PCED1B: variants seen among roughly 807,000 people sequenced by gnomAD.
The protein encoded by PCED1B is PC-esterase domain containing 1B.
For missense variants in PCED1B, 573 were observed against 573.9 expected (o/e 1.00, Z 0.02); for synonymous variants, 251 against 246.1 (o/e 1.02, Z -0.19).
intron 2 of PCED1B, among the ~76,000 whole-genome samples, chr12:47,105,641 C>G (rs1206164500): frequency 1.3e-5 from 2 of 152,256 alleles, no homozygotes; most frequent in Non-Finnish European, 2.9e-5. Flanking sequence ...TTGCTCAAAA[C>G]TGAATCTTAA....
chr12:47,211,182 C>T (rs36027933), intron 2 of PCED1B, among the ~76,000 whole-genome samples: 76 of 152,302 alleles, frequency 5.0e-4, no homozygotes, highest in Middle Eastern at 3.4e-3. Context: ...GTTTTTCCCT[C>T]CCTGCACTGT....
chr12:47,235,114 C>A lies in PCED1B; in HGVS notation c.51C>A (p.Phe17Leu). The change falls in exon 4 of 4, where the codon TTC becomes TTA. Residue 17 changes from phenylalanine (F) to leucine (L), a missense_variant. Transcript: ENST00000546455. Reference sequence around the variant, plus strand: ...TGCGGCAGCTGCTTCACAATAAGTTCGTGGTCATCCTGGGGGACTCTGTGC... The same window carrying A: ...TGCGGCAGCTGCTTCACAATAAGTTAGTGGTCATCCTGGGGGACTCTGTGC... ...SEVRQLLHNK[F>L]VVILGDSVHR... 6.5e-7 allele frequency: 1 copy of A among 1,532,594 alleles called. No individual in the cohort carries two copies. The highest frequency in any genetic ancestry group is 1.3e-5 in the South Asian group (1 of 76,900). The allele number at this position is 1,532,594 out of a possible 1,614,324, so 94.9% of individuals were successfully genotyped here.
At chr12:47,201,040 G>C (rs1028519738) in intron 2 of PCED1B, among the ~76,000 whole-genome samples, 10 of 152,164 alleles carry the variant, frequency 6.6e-5, no homozygotes, top group Non-Finnish European at 1.3e-4. Context: ...CGAGTTAAGA[G>C]TCCCTTTATT....
At chr12:47,215,247 T>TC (rs1341526408) in intron 2 of PCED1B, among the ~76,000 whole-genome samples, 1 of 148,514 alleles carries the variant, frequency 6.7e-6, no homozygotes, top group East Asian at 2.0e-4. Context: ...GAAGACCATC[T>TC]CCCCCACCCT....
intron 3 of PCED1B, among the ~76,000 whole-genome samples, chr12:47,230,805 C>T (rs944347896): frequency 1.3e-5 from 2 of 152,152 alleles, no homozygotes; most frequent in Admixed American, 6.6e-5. Flanking sequence ...CATGTTGGCT[C>T]TCAAAAAGTT....
intron 1 of PCED1B, among the ~76,000 whole-genome samples, chr12:47,102,357 A>G (rs1327897753): frequency 6.6e-6 from 1 of 152,236 alleles, no homozygotes; most frequent in Non-Finnish European, 1.5e-5. Context: ...GCAGTTTCAC[A>G]TCATGTCTTT....
intron 2 of PCED1B, among the ~76,000 whole-genome samples, chr12:47,204,265 A>AT (rs1245825463): frequency 3.4e-5 from 5 of 145,880 alleles, no homozygotes; most frequent in Non-Finnish European, 6.2e-5. Flanking sequence ...TGAATTTAAA[A>AT]TTTTTTTTTT....
At chr12:47,151,134 T>C (rs371764892) in intron 2 of PCED1B, among the ~76,000 whole-genome samples, 11 of 150,260 alleles carry the variant, frequency 7.3e-5, no homozygotes, top group South Asian at 6.3e-4. Flanking sequence ...ATATATAATA[T>C]ATACACACAC....
At chr12:47,126,156 A>G (rs79730176) in intron 2 of PCED1B, among the ~76,000 whole-genome samples, 5,890 of 152,116 alleles carry the variant, frequency 0.039, 151 homozygotes, top group South Asian at 0.068. Flanking sequence ...CTGTAAAGAA[A>G]AAAAATTTTT....
intron 3 of PCED1B, among the ~76,000 whole-genome samples, chr12:47,222,208 T>A (rs1277822325): frequency 2.1e-5 from 3 of 146,130 alleles, no homozygotes; most frequent in African/African-American, 7.6e-5. Flanking sequence ...TCACCTGAGG[T>A]CAGGAGTTCG....
chr12:47,211,665 A>C (rs1006753392), intron 2 of PCED1B, among the ~76,000 whole-genome samples: 9 of 150,124 alleles, frequency 6.0e-5, no homozygotes, highest in Admixed American at 2.7e-4. Context: ...AAAAAAAAAA[A>C]AAAAAAAAAA....
chr12:47,113,355 A>G (rs751652140), intron 2 of PCED1B, among the ~76,000 whole-genome samples: 1 of 152,218 alleles, frequency 6.6e-6, no homozygotes, highest in African/African-American at 2.4e-5. Context: ...GCACGGTGTT[A>G]GGCAGCTTAC....
chr12:47,148,212 A>C (rs898091115), intron 2 of PCED1B, among the ~76,000 whole-genome samples: 1 of 152,306 alleles, frequency 6.6e-6, no homozygotes, highest in South Asian at 2.1e-4. Context: ...ACATTAACCT[A>C]TTCATGAGGG....
intron 2 of PCED1B, among the ~76,000 whole-genome samples, chr12:47,213,818 CATA>C (rs1943166841): frequency 6.6e-6 from 1 of 152,100 alleles, no homozygotes; most frequent in Non-Finnish European, 1.5e-5. Flanking sequence ...CTACATAGAG[CATA>C]ATAAGTTCTT....
intron 2 of PCED1B, among the ~76,000 whole-genome samples, chr12:47,144,587 T>A (rs1297911073): frequency 6.6e-6 from 1 of 152,226 alleles, no homozygotes. Context: ...TTTGTCATCA[T>A]CTGAATATCA....
chr12:47,165,248 G>A (rs1473022937), intron 2 of PCED1B, among the ~76,000 whole-genome samples: 1 of 152,188 alleles, frequency 6.6e-6, no homozygotes, highest in Non-Finnish European at 1.5e-5. Flanking sequence ...AGGCATATCT[G>A]AGTTAGCAAA....
intron 2 of PCED1B, among the ~76,000 whole-genome samples, chr12:47,146,912 C>T (rs550174545): frequency 6.6e-6 from 1 of 151,838 alleles, no homozygotes; most frequent in Non-Finnish European, 1.5e-5. Flanking sequence ...TTTCCTCTTG[C>T]ATCTTACTGT....
chr12:47,130,200 A>G (rs987518828), intron 2 of PCED1B, among the ~76,000 whole-genome samples: 1 of 152,228 alleles, frequency 6.6e-6, no homozygotes, highest in African/African-American at 2.4e-5. Context: ...AAAGGTTAGT[A>G]GTTAATACAC....
chr12:47,159,628 G>A (rs1361936511), intron 2 of PCED1B, among the ~76,000 whole-genome samples: 1 of 151,488 alleles, frequency 6.6e-6, no homozygotes, highest in East Asian at 1.9e-4. Context: ...TGTATATTCT[G>A]GATATTAGTC....
Sources: gnomAD v4.1 joint callset for allele counts (sites outside exome capture counted in the v4.1 genomes callset) on GRCh38, gnomAD v4.1.1 for gene constraint, MANE v1.5 for transcripts, NCBI Gene and HGNC (gene_info 2026-07-23, HGNC 2026-07-21) for gene names.